ASXL2: variants seen among roughly 807,000 people sequenced by gnomAD.
ASXL2 encodes the protein putative Polycomb group protein ASXL2.
ASXL2 carries 23 observed loss-of-function variants against 122.0 expected under a neutral mutation model. The observed-to-expected ratio is 0.19, with a 90% CI of 0.14 to 0.27. The LOEUF is 0.27. ASXL2 is among the 10% of genes least tolerant of loss of function. The pLI, the probability that ASXL2 is intolerant of heterozygous loss-of-function variation, is 1.00. For missense variants in ASXL2, 1,518 were observed against 1,713.8 expected (o/e 0.89, Z 2.02); for synonymous variants, 650 against 637.0 (o/e 1.02, Z -0.31).
chr2:25,787,290 G>C (rs2088763717), intron 5 of ASXL2, among the ~76,000 whole-genome samples: 1 of 152,156 alleles, frequency 6.6e-6, no homozygotes, highest in Non-Finnish European at 1.5e-5. Context: ...AAATATGCTT[G>C]CTTCTGCTAA....
rs113503588 is a variant in ASXL2 at position 25,742,149 on chromosome 2, C to A, written c.4188G>T (p.Thr1396=). The part of the protein sequence containing the change: ...AFSEENSIEG[T]PSKCYCRLKA... Reference sequence around the variant, plus strand: ...TCAAGCGGCAGTAACATTTCGAAGGCGTGCCCTCTATGCTGTTCTCTTCGG... The same window carrying A: ...TCAAGCGGCAGTAACATTTCGAAGGAGTGCCCTCTATGCTGTTCTCTTCGG... Residue 1396 remains threonine (T), a synonymous_variant, in exon 13 of 13, where the codon ACG becomes ACT. Transcript: ENST00000435504. 5 of 1,614,052 alleles carry A rather than the reference C, an allele frequency of 3.1e-6. No homozygotes were observed. The highest frequency in any genetic ancestry group is 3.4e-6 in the Non-Finnish European group (4 of 1,179,896).
chr2:25,842,713 T>C (rs1167886507), intron 2 of ASXL2, among the ~76,000 whole-genome samples: 2 of 150,970 alleles, frequency 1.3e-5, no homozygotes, highest in African/African-American at 2.4e-5. Flanking sequence ...TATAGATAGA[T>C]AGATAGATAG....
chr2:25,774,393 G>A (rs749518734), intron 5 of ASXL2, among the ~76,000 whole-genome samples: 116 of 152,092 alleles, frequency 7.6e-4, no homozygotes, highest in African/African-American at 2.6e-3. Flanking sequence ...GATCCCAGCC[G>A]GTCACAATCT....
chr2:25,758,192 A>G (rs184201338), intron 9 of ASXL2, among the ~76,000 whole-genome samples: 3 of 152,220 alleles, frequency 2.0e-5, no homozygotes, highest in African/African-American at 4.8e-5. Flanking sequence ...TATGAAACTG[A>G]TATCAATGCA....
intron 2 of ASXL2, among the ~76,000 whole-genome samples, chr2:25,844,234 G>A (rs1030192968): frequency 2.6e-5 from 4 of 152,072 alleles, no homozygotes; most frequent in African/African-American, 9.7e-5. Flanking sequence ...AATATACAGA[G>A]CATACTTAAT....
intron 5 of ASXL2, among the ~76,000 whole-genome samples, chr2:25,790,387 A>C (rs1458635406): frequency 1.3e-5 from 2 of 151,662 alleles, no homozygotes; most frequent in Admixed American, 6.6e-5. Flanking sequence ...AAAAAAAAAA[A>C]CAAAAACAGA....
chr2:25,806,228 C>T lies in ASXL2; in HGVS notation c.252+1G>A. ...AAATGACTCCCCAACAAAATATTTA[C>T]CTTCAAAGTATATACTCCCATTCTA... On this transcript the variant is annotated splice_donor_variant, in intron 4 of 12. Coordinates refer to ENST00000435504, the MANE Select transcript of ASXL2 (RefSeq NM_018263.6). LOFTEE classifies it high-confidence loss of function. 1 of 1,591,704 alleles carries T rather than the reference C, an allele frequency of 6.3e-7. No homozygotes were observed. Among genetic ancestry groups the T allele is most frequent in the Non-Finnish European group, 8.6e-7 (1 of 1,162,386 alleles).
chr2:25,755,286 T>C (rs368249247), intron 10 of ASXL2, among the ~76,000 whole-genome samples: 16 of 152,300 alleles, frequency 1.1e-4, no homozygotes, highest in Admixed American at 6.5e-4. Flanking sequence ...AACAAAATCA[T>C]TGACACTGGT....
At chr2:25,839,935 T>C (rs1353495384) in intron 2 of ASXL2, among the ~76,000 whole-genome samples, 1 of 151,716 alleles carries the variant, frequency 6.6e-6, no homozygotes, top group Non-Finnish European at 1.5e-5. Flanking sequence ...CTCGCTATCT[T>C]GTTCACGCTG....
intron 2 of ASXL2, among the ~76,000 whole-genome samples, chr2:25,839,336 G>A (rs1030372025): frequency 3.3e-5 from 5 of 152,124 alleles, no homozygotes; most frequent in African/African-American, 1.2e-4. Context: ...TTGGTAAACA[G>A]TATGGGAATT....
chr2:25,791,359 C>T (rs1166287537), intron 5 of ASXL2, among the ~76,000 whole-genome samples: 6 of 151,896 alleles, frequency 4.0e-5, no homozygotes, highest in Admixed American at 3.3e-4. Context: ...TGGTGGCGGG[C>T]GCCTATAATC....
intron 8 of ASXL2, among the ~76,000 whole-genome samples, chr2:25,760,786 C>T (rs1290049065): frequency 6.6e-6 from 1 of 152,132 alleles, no homozygotes; most frequent in Non-Finnish European, 1.5e-5. Context: ...AAGAGAGAAT[C>T]ATTAGAGACT....
At chr2:25,872,499 A>G (rs561570790) in intron 1 of ASXL2, among the ~76,000 whole-genome samples, 24 of 152,354 alleles carry the variant, frequency 1.6e-4, no homozygotes, top group African/African-American at 5.5e-4. Flanking sequence ...GTGAAAACTA[A>G]TAAGGTCAGA....
chr2:25,754,720 T>C (rs1335428105), intron 10 of ASXL2, among the ~76,000 whole-genome samples: 8 of 152,114 alleles, frequency 5.3e-5, no homozygotes, highest in Non-Finnish European at 8.8e-5. Context: ...CGCAGTATCA[T>C]TGCTGACAGT....
At chr2:25,863,669 G>A (rs991525404) in intron 1 of ASXL2, among the ~76,000 whole-genome samples, 31 of 151,640 alleles carry the variant, frequency 2.0e-4, no homozygotes, top group Admixed American at 1.7e-3. Flanking sequence ...CTCCAGCCTC[G>A]GGAACAGAGT....
Position 25,733,950 on chromosome 2 carries a change from CGCACAAAGATTTTAA to C in ASXL2, c.*8064_*8078del, listed in dbSNP as rs1559494177. On this transcript the variant is annotated 3_prime_UTR_variant, in exon 13 of 13. Transcript: ENST00000435504. The stretch of plus-strand genomic sequence containing the variant: ...ATTTGTCAAAGTGCTAAGGCCTATG[CGCACAAAGATTTTAA>C]GTGAATAAGAATTACATACGGTAAT... 6.6e-6 allele frequency: 1 copy of C among 152,020 alleles called. No individual in the cohort carries two copies. The highest frequency in any genetic ancestry group is 2.4e-5 in the African/African-American group (1 of 41,388). The allele number at this position is 152,020 out of a possible 1,614,324, so 9.4% of individuals were successfully genotyped here.
intron 3 of ASXL2, among the ~76,000 whole-genome samples, chr2:25,828,935 TTA>T: frequency 6.6e-6 from 1 of 151,820 alleles, no homozygotes; most frequent in East Asian, 1.9e-4. Context: ...CTATCACTAA[TTA>T]GATATGTAAT....
intron 6 of ASXL2, among the ~76,000 whole-genome samples, chr2:25,771,233 G>A (rs1393264330): frequency 6.6e-6 from 1 of 152,114 alleles, no homozygotes; most frequent in Non-Finnish European, 1.5e-5. Flanking sequence ...CTCTGTCTCA[G>A]AAAAACAAAG....
At chr2:25,859,327 C>T (rs1184273417) in intron 1 of ASXL2, among the ~76,000 whole-genome samples, 3 of 152,136 alleles carry the variant, frequency 2.0e-5, no homozygotes, top group Non-Finnish European at 4.4e-5. Flanking sequence ...CCATTTAAGG[C>T]AATATTATTT....
Sources: gnomAD v4.1 joint callset for allele counts (sites outside exome capture counted in the v4.1 genomes callset) on GRCh38, gnomAD v4.1.1 for gene constraint, MANE v1.5 for transcripts, NCBI Gene and HGNC (gene_info 2026-07-23, HGNC 2026-07-21) for gene names.